SNX10: variants seen among roughly 807,000 people sequenced by gnomAD.
The protein encoded by SNX10 is sorting nexin 10, also known as sorting nexin-10.
Under a neutral mutation model 28.5 loss-of-function variants are expected in SNX10, and 25 were observed. The ratio of observed to expected loss-of-function variants is 0.88; its 90% confidence interval spans 0.64 to 1.22. The LOEUF (loss-of-function observed/expected upper bound fraction) is 1.22, where lower values mean the gene tolerates loss of function less well. Among genes scored for constraint, SNX10 ranks in the 50% most tolerant of loss-of-function variants. The probability of loss-of-function intolerance (pLI) is 0.00; values close to 1 mark genes in which losing one functional copy is unlikely to be tolerated. For synonymous variants in SNX10, 62 were observed against 81.4 expected (o/e 0.76, Z 1.28); for missense variants, 223 against 242.6 (o/e 0.92, Z 0.54).
At chr7:26,342,942 T>TG (rs1476084002) in intron 1 of SNX10, among the ~76,000 whole-genome samples, 1 of 152,118 alleles carries the variant, frequency 6.6e-6, no homozygotes, top group Non-Finnish European at 1.5e-5. Context: ...AAGTAGTAGC[T>TG]GGGACCACAG....
rs1788823590 is a variant in SNX10, at chr7:26,356,485, A to G, written c.25-4490A>G. 2.0e-5 allele frequency among the ~76,000 whole-genome samples: 3 copies of G among 152,160 alleles called. 1 individual carries two copies. The highest frequency in any genetic ancestry group is 2.0e-4 in the Admixed American group (3 of 15,266). The stretch of plus-strand genomic sequence containing the variant: ...GGGCAGTGTCGTGAGGGATGCGTCT[A>G]ATTAAGAGATTAGAGGTGAACCTTG... On this transcript the variant is annotated intron_variant, in intron 2 of 6. Transcript: ENST00000338523.
chr7:26,355,235 A>T (rs1027854095), intron 2 of SNX10, among the ~76,000 whole-genome samples: 4 of 152,126 alleles, frequency 2.6e-5, no homozygotes, highest in African/African-American at 9.7e-5. Context: ...TTGCTGCTGT[A>T]GCCTTAACAT....
intron 1 of SNX10, among the ~76,000 whole-genome samples, chr7:26,302,739 T>G (rs6970564): frequency 0.02 from 3,099 of 152,262 alleles, 111 homozygotes; most frequent in African/African-American, 0.069. Context: ...GACCCCAGTT[T>G]TGCCATCACT....
intron 1 of SNX10, among the ~76,000 whole-genome samples, chr7:26,293,768 C>T (rs1786011377): frequency 6.6e-6 from 1 of 152,228 alleles, no homozygotes; most frequent in East Asian, 1.9e-4. Flanking sequence ...CAGGGAGTCT[C>T]CCCTCCAGGC....
intron 2 of SNX10, among the ~76,000 whole-genome samples, chr7:26,351,680 C>A: frequency 8.3e-6 from 1 of 120,484 alleles, no homozygotes. Context: ...TTTTTGAGAC[C>A]GAGTCTCTCT....
intron 1 of SNX10, among the ~76,000 whole-genome samples, chr7:26,331,167 TAA>T (rs60045434): frequency 2.5e-4 from 29 of 117,322 alleles, no homozygotes; most frequent in African/African-American, 3.3e-4. Flanking sequence ...AAAAGAGAAC[TAA>T]AAAAAAAAAA....
chr7:26,326,018 G>A (rs1053147018), intron 1 of SNX10, among the ~76,000 whole-genome samples: 3 of 152,136 alleles, frequency 2.0e-5, no homozygotes, highest in African/African-American at 7.2e-5. Context: ...ATGAGCCACC[G>A]TGCCTGGCCA....
intron 1 of SNX10, among the ~76,000 whole-genome samples, chr7:26,346,092 C>T (rs542430784): frequency 6.6e-6 from 1 of 152,346 alleles, no homozygotes; most frequent in South Asian, 2.1e-4. Context: ...CCGCACATGG[C>T]TTCTGCTCCC....
intron 2 of SNX10, among the ~76,000 whole-genome samples, chr7:26,349,428 A>C (rs937705172): frequency 6.6e-6 from 1 of 151,796 alleles, no homozygotes; most frequent in African/African-American, 2.4e-5. Context: ...TAATAAATCT[A>C]GAAAGAGGAG....
chr7:26,368,374 C>T (rs1180684824), intron 5 of SNX10, among the ~76,000 whole-genome samples: 2 of 152,032 alleles, frequency 1.3e-5, no homozygotes, highest in African/African-American at 2.4e-5. Flanking sequence ...TGTATTCTTG[C>T]CCCTGAGTAA....
intron 1 of SNX10, among the ~76,000 whole-genome samples, chr7:26,300,658 G>A (rs1745126164): frequency 2.0e-5 from 3 of 152,222 alleles, no homozygotes; most frequent in African/African-American, 4.8e-5. Flanking sequence ...AAGGCAGGAT[G>A]TATGCAGCAA....
rs368745426 is a variant in SNX10, at chr7:26,343,529, A to T, written c.-23-2891A>T. On this transcript the variant is annotated intron_variant, in intron 1 of 6. Coordinates refer to ENST00000338523, the MANE Select transcript of SNX10 (RefSeq NM_013322.3). ...GAGAGACAGAGGGTATCTAAACATC[A>T]TGATGCAAGCGAAGTTAATGGCACC... Among the ~76,000 whole-genome samples, 307 of 152,322 alleles carry T rather than the reference A, an allele frequency of 2.0e-3. 2 individuals carry two copies. The highest frequency in any genetic ancestry group is 7.2e-3 in the African/African-American group (298 of 41,578).
chr7:26,330,217 G>GA (rs397788595), intron 1 of SNX10, among the ~76,000 whole-genome samples: 6 of 50,470 alleles, frequency 1.2e-4, no homozygotes, highest in Non-Finnish European at 3.4e-4. Flanking sequence ...TAGGAGGTCA[G>GA]AAAAAGTGGG....
chr7:26,314,494 T>C (rs114345730), intron 1 of SNX10, among the ~76,000 whole-genome samples: 1,648 of 152,288 alleles, frequency 0.011, 27 homozygotes, highest in African/African-American at 0.034. Flanking sequence ...TATGACTAAG[T>C]ATAATATGGG....
At chr7:26,345,528 G>A (rs1271013697) in intron 1 of SNX10, among the ~76,000 whole-genome samples, 1 of 152,134 alleles carries the variant, frequency 6.6e-6, no homozygotes, top group Non-Finnish European at 1.5e-5. Flanking sequence ...TCTCTCGTCT[G>A]CACCTCCACA....
chr7:26,320,099 A>T (rs1787253725), intron 1 of SNX10, among the ~76,000 whole-genome samples: 1 of 151,792 alleles, frequency 6.6e-6, no homozygotes, highest in Non-Finnish European at 1.5e-5. Context: ...CTTCTGCCTC[A>T]GCCTCTCGAG....
chr7:26,306,834 C>T (rs999601214), intron 1 of SNX10, among the ~76,000 whole-genome samples: 1 of 152,318 alleles, frequency 6.6e-6, no homozygotes, highest in Admixed American at 6.5e-5. Context: ...CAGGCACAGG[C>T]CTCCATGCTT....
At position 26,324,039 on chromosome 7, in the gene SNX10, T is replaced by A. The variant is rs111865289; in HGVS notation, c.-23-22381T>A. ...TGTCACGCCCTCACTTAGGTTGAAA[T>A]TTCTCTTGAAGTTTATATACTGGTC... On this transcript the variant is annotated intron_variant, in intron 1 of 6. Coordinates refer to ENST00000338523, the MANE Select transcript of SNX10 (RefSeq NM_013322.3). Among the ~76,000 whole-genome samples, 7 of 152,328 alleles carry A rather than the reference T, an allele frequency of 4.6e-5. 1 individual carries two copies. Among genetic ancestry groups the A allele is most frequent in the African/African-American group, 1.7e-4 (7 of 41,576 alleles).
At chr7:26,324,667 A>G (rs766547828) in intron 1 of SNX10, among the ~76,000 whole-genome samples, 25 of 152,068 alleles carry the variant, frequency 1.6e-4, no homozygotes, top group Non-Finnish European at 2.2e-4. Flanking sequence ...GGCCTCAATC[A>G]TAGCACTTCC....
Sources: gnomAD v4.1 joint callset for allele counts (sites outside exome capture counted in the v4.1 genomes callset) on GRCh38, gnomAD v4.1.1 for gene constraint, MANE v1.5 for transcripts, NCBI Gene and HGNC (gene_info 2026-07-23, HGNC 2026-07-21) for gene names.